Variants in NPHP4 observed in about 807,000 individuals in gnomAD.
The protein encoded by NPHP4 is nephrocystin 4, also known as nephrocystin-4.
Under a neutral mutation model 155.8 loss-of-function variants are expected in NPHP4, and 151 were observed. The ratio of observed to expected loss-of-function variants is 0.97; its 90% CI spans 0.85 to 1.11. The LOEUF (loss-of-function observed/expected upper bound fraction) is 1.11, where lower values mean the gene tolerates loss of function less well. Among genes scored for constraint, NPHP4 ranks in the 50% least tolerant of loss-of-function variants. The pLI is 0.00. For synonymous variants in NPHP4, 845 were observed against 816.8 expected (o/e 1.03, Z -0.59); for missense variants, 1,956 against 1,925.7 (o/e 1.02, Z -0.29).
intron 25 of NPHP4, 55 bp downstream of exon 25, chr1:5,866,975 G>A: frequency 7.3e-7 from 1 of 1,371,126 alleles, no homozygotes; most frequent in Non-Finnish European, 1.0e-6. Context: ...AAGCCGACAG[G>A]GGCGCAGACT....
intron 17 of NPHP4, chr1:5,888,531 C>A: frequency 7.4e-7 from 1 of 1,343,068 alleles, no homozygotes. Context: ...CACTCGTCTA[C>A]ACTGCATACG....
Position 5,967,338 on chromosome 1 carries a change from TG to T in NPHP4, c.477del (p.Arg160GlufsTer18). On this transcript the variant is annotated frameshift_variant, in exon 5 of 30. Transcript: ENST00000378156. LOFTEE classifies it high-confidence loss of function. ...DKRLRLYHGT[P>X]RALLHPLLQD... ...TGGAGAAGCGGGTGCAGGAGGGCTCTGGGGGTGCCATGGTACAGCCGCAACC... is the reference window on the plus strand; with the variant it reads ...TGGAGAAGCGGGTGCAGGAGGGCTCTGGGGTGCCATGGTACAGCCGCAACC... The T allele has an allele frequency of 6.2e-7, 1 of 1,607,946 alleles. No individual in the cohort carries two copies. The highest frequency in any genetic ancestry group is 8.5e-7 in the Non-Finnish European group (1 of 1,177,702).
chr1:5,925,668 T>C (rs1645964169), intron 11 of NPHP4, among the ~76,000 whole-genome samples: 1 of 152,082 alleles, frequency 6.6e-6, no homozygotes, highest in African/African-American at 2.4e-5. Flanking sequence ...CAGGCTGGAG[T>C]GCAGTGGCAC....
intron 5 of NPHP4, among the ~76,000 whole-genome samples, chr1:5,966,167 C>T (rs1313063077): frequency 6.6e-6 from 1 of 152,190 alleles, no homozygotes; most frequent in Non-Finnish European, 1.5e-5. Context: ...TCTCAGGAAC[C>T]TCATCACTCT....
intron 16 of NPHP4, among the ~76,000 whole-genome samples, chr1:5,895,371 G>A (rs1644343963): frequency 6.6e-6 from 1 of 152,050 alleles, no homozygotes; most frequent in South Asian, 2.1e-4. Context: ...ATGGTGGCAG[G>A]TGCCTGTAGT....
rs115690090 is a variant in NPHP4 at position 5,978,223 on chromosome 1, A to C, written c.279+47T>G. The C allele has an allele frequency of 2.9e-3, 4,581 of 1,568,548 alleles. 104 individuals are homozygous for C. In the African/African-American group the frequency reaches 0.053, roughly 18 times the overall value. On this transcript the variant is annotated intron_variant, in intron 3 of 29. Coordinates refer to ENST00000378156, the MANE Select transcript of NPHP4 (RefSeq NM_015102.5). ...CTGCCACCCAGGACCACCCGCACAC[A>C]CACCCTCCGCCTTGGAGCAGCCCCT...
At position 5,961,854 on chromosome 1, in the gene NPHP4, T is replaced by G; in HGVS notation, c.613A>C (p.Asn205His). ...LEPAFHLLPENLLVSGLQQIP... is the reference protein window; with the variant it reads ...LEPAFHLLPEHLLVSGLQQIP... ...TGCTGCAGACCAGACACCAGAAGGT[T>G]CTCAGGAAGAAGGTGGAACGCAGGC... The change falls in exon 6 of 30, where the codon AAC becomes CAC. Residue 205 changes from asparagine (N) to histidine (H), a missense_variant. Asn to His is a moderately conservative substitution (Grantham distance 68). Transcript: ENST00000378156. 1 of 1,613,776 alleles carries G rather than the reference T, an allele frequency of 6.2e-7. No individual in the cohort carries two copies. The highest frequency in any genetic ancestry group is 8.5e-7 in the Non-Finnish European group (1 of 1,179,762).
intron 16 of NPHP4, among the ~76,000 whole-genome samples, chr1:5,898,124 T>C (rs10864631): frequency 0.83 from 125,949 of 152,238 alleles, 52,280 homozygotes; most frequent in African/African-American, 0.91. Flanking sequence ...CCGCGTTCTT[T>C]GGAAGAACAG....
At chr1:5,991,271 T>C (rs913296633) in intron 1 of NPHP4, among the ~76,000 whole-genome samples, 1 of 127,014 alleles carries the variant, frequency 7.9e-6, no homozygotes, top group African/African-American at 2.6e-5. Flanking sequence ...GCAGACAAGC[T>C]CGCTACCCCC....
rs1644174900 is a variant in NPHP4, at chr1:5,892,346, T to C, written c.2144-1318A>G. Among the ~76,000 whole-genome samples the C allele has an allele frequency of 6.6e-6, 1 of 152,072 alleles. No individual in the cohort carries two copies. The highest frequency in any genetic ancestry group is 6.5e-5 in the Admixed American group (1 of 15,274). ...GACCAGGATGGCCCCGTGCCTAGCA[T>C]GCTCCTGCCCCCCACTCCAGGAGCT... On this transcript the variant is annotated intron_variant, in intron 16 of 29. Coordinates refer to ENST00000378156, the MANE Select transcript of NPHP4 (RefSeq NM_015102.5). This position sits in a 1 kb window ranked among gnomAD's most constrained non-coding sequence, Gnocchi z 4.5.
intron 18 of NPHP4, among the ~76,000 whole-genome samples, chr1:5,883,719 AC>A (rs1419512557): frequency 2.0e-5 from 3 of 152,184 alleles, no homozygotes; most frequent in Non-Finnish European, 2.9e-5. Context: ...TTTCTCGACC[AC>A]CTTCATCTGA....
intron 9 of NPHP4, among the ~76,000 whole-genome samples, chr1:5,937,605 C>T (rs191908927): frequency 6.6e-6 from 1 of 152,258 alleles, no homozygotes; most frequent in Admixed American, 6.5e-5. Flanking sequence ...GGATGGCGGC[C>T]GTTCTCTGGG....
chr1:5,913,471 A>ACAGT (rs1434785318), intron 11 of NPHP4, among the ~76,000 whole-genome samples: 2 of 152,222 alleles, frequency 1.3e-5, no homozygotes, highest in Admixed American at 6.5e-5. Context: ...GCTGAAAACC[A>ACAGT]CAGTCAACAA....
Position 5,934,846 on chromosome 1 carries a change from G to A in NPHP4, c.1120-1517C>T, listed in dbSNP as rs370681624. On this transcript the variant is annotated intron_variant, in intron 9 of 29. Coordinates refer to ENST00000378156, the MANE Select transcript of NPHP4 (RefSeq NM_015102.5). ...ACACCCAGAGGATCCAGGAATTTGC[G>A]CTGCCCTGGGAGCGAAGGAGGAGGC... is the stretch of plus-strand genomic sequence containing the variant. Among the ~76,000 whole-genome samples the A allele has an allele frequency of 1.6e-4, 24 of 152,304 alleles. 1 individual carries two copies. The South Asian group carries it at 3.3e-3, about 21-fold the overall frequency.
Position 5,882,642 on chromosome 1 carries a change from A to G in NPHP4, c.2486-2403T>C. ...CCGCCTCCTGGCACCTGCAGCGTCC[A>G]CTCAGTCCTCACTCCAAGCCAGCTT... On this transcript the variant is annotated intron_variant, in intron 18 of 29. Coordinates refer to ENST00000378156, the MANE Select transcript of NPHP4 (RefSeq NM_015102.5). The surrounding 1 kb of genome is among the most constrained non-coding windows in gnomAD (Gnocchi z 5.1). 6.5e-6 allele frequency: 1 copy of G among 153,068 alleles called. No individual in the cohort carries two copies. The highest frequency in any genetic ancestry group is 1.5e-5 in the Non-Finnish European group (1 of 68,758). The allele number at this position is 153,068 out of a possible 1,614,324, so 9.5% of individuals were successfully genotyped here.
rs1557656394 is a variant in NPHP4, at chr1:5,887,410, C to T, written c.2361G>A (p.Val787=). The T allele has an allele frequency of 5.0e-6, 8 of 1,613,334 alleles. No individual in the cohort carries two copies. Among genetic ancestry groups the T allele is most frequent in the Non-Finnish European group, 6.8e-6 (8 of 1,179,900 alleles). The stretch of plus-strand genomic sequence containing the variant: ...TGTTGTCCTGCTCGTATTCAGTTGC[C>T]ACGACCTCAAGCTCGTGGGAGGCCT... ...AVQASHELEV[V]ATEYEQDNMV... is the part of the protein sequence containing the mutation. Residue 787 remains valine (V), a synonymous_variant, in exon 18 of 30, where the codon GTG becomes GTA. Coordinates refer to ENST00000378156, the MANE Select transcript of NPHP4 (RefSeq NM_015102.5).
chr1:5,879,492 C>CT (rs1642983465), intron 19 of NPHP4: 1 of 518,078 alleles, frequency 1.9e-6, no homozygotes, highest in Non-Finnish European at 3.9e-6. Flanking sequence ...GGTACTTCAA[C>CT]TTGTTTTGAA....
At chr1:5,921,940 C>G (rs1481922207) in intron 11 of NPHP4, among the ~76,000 whole-genome samples, 1 of 152,214 alleles carries the variant, frequency 6.6e-6, no homozygotes, top group Non-Finnish European at 1.5e-5. Flanking sequence ...CCCAGAGATA[C>G]CCACGTCCTA....
At chr1:5,956,507 G>C (rs1649269557) in intron 6 of NPHP4, among the ~76,000 whole-genome samples, 1 of 152,226 alleles carries the variant, frequency 6.6e-6, no homozygotes, top group Non-Finnish European at 1.5e-5. Flanking sequence ...AGAGAAGCCT[G>C]GGTATCCTCA....
Sources: allele counts gnomAD v4.1 joint callset (sites outside exome capture counted in the v4.1 genomes callset), GRCh38; gene constraint gnomAD v4.1.1; non-coding constraint Gnocchi (gnomAD v3.1); transcripts MANE v1.5; gene names NCBI Gene and HGNC (gene_info 2026-07-23, HGNC 2026-07-21).